The following STK33 variants were observed in gnomAD, a reference collection of about 807,000 sequenced individuals.
STK33 encodes the protein serine/threonine-protein kinase 33.
A neutral mutation model predicts 58.0 loss-of-function variants in STK33; 52 were observed. That is an observed-to-expected ratio of 0.90 (90% CI 0.72 to 1.13). The LOEUF is 1.13. Ranked by LOEUF, STK33 falls within the 50% of genes most tolerant of loss-of-function variation. STK33 has a pLI of 0.00. For missense variants in STK33, 630 were observed against 604.2 expected, an observed-to-expected ratio of 1.04 and a Z score of -0.45; for synonymous variants, 215 against 200.1, an observed-to-expected ratio of 1.07 and a Z score of -0.63.
Position 8,461,855 on chromosome 11 carries a change from C to T in STK33, c.508G>A (p.Val170Ile). The change falls in exon 8 of 16, where the codon GTA becomes ATA. Residue 170 changes from valine (V) to isoleucine (I), a missense_variant. Physicochemically the swap from Val to Ile is conservative, Grantham distance 29 (BLOSUM62 3). Transcript: ENST00000687296. The stretch of plus-strand genomic sequence containing the variant: ...AGATGTATGATGTGTTCATGTTTTA[C>T]ACTTTTCAGAATGTTCACCTCTCGT... ...LEREVNILKSVKHEHIIHLEQ... is the reference protein window; with the variant it reads ...LEREVNILKSIKHEHIIHLEQ... 6.2e-7 allele frequency: 1 copy of T among 1,602,906 alleles called. No homozygotes were observed. Among genetic ancestry groups the T allele is most frequent in the South Asian group, 1.1e-5 (1 of 89,178 alleles).
intron 1 of STK33, among the ~76,000 whole-genome samples, chr11:8,591,231 G>A (rs1186023417): frequency 6.6e-6 from 1 of 152,088 alleles, no homozygotes. Flanking sequence ...AAGAAGACAC[G>A]AGTACCCACC....
At chr11:8,560,149 TAC>T (rs954308786) in intron 1 of STK33, among the ~76,000 whole-genome samples, 4 of 152,162 alleles carry the variant, frequency 2.6e-5, no homozygotes, top group African/African-American at 9.7e-5. Flanking sequence ...ATTTGTAGAA[TAC>T]ACTCTTAGCA....
chr11:8,356,881 G>C, the STK33 span, among the ~76,000 whole-genome samples: 1 of 152,220 alleles, frequency 6.6e-6, no homozygotes, highest in African/African-American at 2.4e-5. Context: ...TGCCAGGGGA[G>C]CACTCTGGAG....
chr11:8,438,528 G>A (rs940435566), intron 12 of STK33, among the ~76,000 whole-genome samples: 2 of 152,168 alleles, frequency 1.3e-5, no homozygotes, highest in Admixed American at 1.3e-4. Context: ...GGCTCAGACA[G>A]ATTAATGAAT....
intron 15 of STK33, among the ~76,000 whole-genome samples, chr11:8,394,861 A>T (rs767853114): frequency 8.4e-4 from 128 of 152,242 alleles, no homozygotes; most frequent in Middle Eastern, 3.4e-3. Flanking sequence ...CCTCAGCCAA[A>T]TTTTTTTGTA....
chr11:8,336,113 T>C, the STK33 span, among the ~76,000 whole-genome samples: 1 of 152,252 alleles, frequency 6.6e-6, no homozygotes, highest in African/African-American at 2.4e-5. Flanking sequence ...AGCCCTGGGC[T>C]GGTGCTTGAG....
chr11:8,408,255 A>G (rs369477155), intron 15 of STK33, among the ~76,000 whole-genome samples: 23 of 152,360 alleles, frequency 1.5e-4, no homozygotes, highest in African/African-American at 5.5e-4. Flanking sequence ...AATACTTGTT[A>G]TAACCCAACA....
the STK33 span, among the ~76,000 whole-genome samples, chr11:8,364,938 G>A: frequency 5.6e-5 from 4 of 71,530 alleles, no homozygotes; most frequent in East Asian, 8.3e-4. Flanking sequence ...GACCCCCCCC[G>A]CCCCGCCCAA....
chr11:8,395,605 TGAA>T (rs1413384657), intron 15 of STK33, among the ~76,000 whole-genome samples: 1 of 152,218 alleles, frequency 6.6e-6, no homozygotes, highest in Non-Finnish European at 1.5e-5. Context: ...ATGATTATCT[TGAA>T]GATCATTCCA....
At chr11:8,442,669 A>G (rs1944911657) in intron 11 of STK33, among the ~76,000 whole-genome samples, 1 of 152,252 alleles carries the variant, frequency 6.6e-6, no homozygotes, top group African/African-American at 2.4e-5. Flanking sequence ...TCTTTTGCCA[A>G]CAGGGGGATA....
chr11:8,480,880 A>G (rs1430768764), intron 1 of STK33, among the ~76,000 whole-genome samples: 3 of 152,198 alleles, frequency 2.0e-5, no homozygotes, highest in Non-Finnish European at 2.9e-5. Flanking sequence ...CCAATAAGCA[A>G]AAGATCAATA....
intron 1 of STK33, among the ~76,000 whole-genome samples, chr11:8,577,393 A>G (rs1958265790): frequency 6.6e-6 from 1 of 152,106 alleles, no homozygotes; most frequent in Non-Finnish European, 1.5e-5. Flanking sequence ...AAACAAAACT[A>G]AGTCTTAACT....
chr11:8,361,941 T>G, the STK33 span, among the ~76,000 whole-genome samples: 1 of 152,196 alleles, frequency 6.6e-6, no homozygotes, highest in African/African-American at 2.4e-5. This position sits in a 1 kb window ranked among gnomAD's most constrained non-coding sequence, Gnocchi z 4.8. Context: ...CCACTCTGCT[T>G]CTTTCTCACC....
chr11:8,460,087 T>G (rs1369271643), intron 8 of STK33, among the ~76,000 whole-genome samples: 1 of 152,158 alleles, frequency 6.6e-6, no homozygotes, highest in Non-Finnish European at 1.5e-5. Context: ...TATCAAACTT[T>G]CCAAGTGACT....
At chr11:8,340,007 G>A in the STK33 span, among the ~76,000 whole-genome samples, 1 of 152,246 alleles carries the variant, frequency 6.6e-6, no homozygotes, top group South Asian at 2.1e-4. Flanking sequence ...AAGGCGCACC[G>A]CGCGACCAGC....
chr11:8,359,799 G>T, the STK33 span, among the ~76,000 whole-genome samples: 1 of 152,232 alleles, frequency 6.6e-6, no homozygotes, highest in African/African-American at 2.4e-5. Flanking sequence ...GTTGGCACAG[G>T]GGTGGTCTAG....
intron 1 of STK33, among the ~76,000 whole-genome samples, chr11:8,577,569 T>C (rs1353231448): frequency 6.6e-6 from 1 of 151,496 alleles, no homozygotes; most frequent in African/African-American, 2.4e-5. Context: ...TTCTTTACTA[T>C]ACATATTCTT....
intron 1 of STK33, among the ~76,000 whole-genome samples, chr11:8,522,747 CCTCCCT>C (rs1184770329): frequency 2.6e-5 from 4 of 151,798 alleles, no homozygotes; most frequent in Admixed American, 6.6e-5. Context: ...GGGAAAAAGC[CCTCCCT>C]CTCCCTCTCC....
intron 1 of STK33, among the ~76,000 whole-genome samples, chr11:8,483,632 G>C (rs1351551568): frequency 6.6e-6 from 1 of 152,136 alleles, no homozygotes; most frequent in Non-Finnish European, 1.5e-5. Flanking sequence ...AATGGAGGGG[G>C]CACAGGGCAT....
Sources: gnomAD v4.1 joint callset for allele counts (sites outside exome capture counted in the v4.1 genomes callset) on GRCh38, gnomAD v4.1.1 for gene constraint, Gnocchi (gnomAD v3.1) non-coding constraint, MANE v1.5 for transcripts, NCBI Gene and HGNC (gene_info 2026-07-23, HGNC 2026-07-21) for gene names.